Variants in TEK observed in about 807,000 individuals in gnomAD.
TEK encodes TEK receptor tyrosine kinase.
In TEK, 43 loss-of-function variants were observed where a neutral mutation model predicts 131.8. That is an observed-to-expected ratio of 0.33 (90% CI 0.26 to 0.42). The LOEUF is 0.42. Ranked by LOEUF, TEK falls within the 10% of genes least tolerant of loss-of-function variation. TEK has a pLI of 1.00. For missense variants in TEK, 1,162 were observed against 1,384.4 expected (o/e 0.84, Z 2.55); for synonymous variants, 580 against 491.6 (o/e 1.18, Z -2.38).
At chr9:27,118,624 G>A (rs1821662548) in intron 1 of TEK, among the ~76,000 whole-genome samples, 1 of 152,112 alleles carries the variant, frequency 6.6e-6, no homozygotes, top group African/African-American at 2.4e-5. Flanking sequence ...GACATAGTGA[G>A]ACCTCATCTT....
chr9:27,209,709 T>G (rs1482964141), intron 16 of TEK, among the ~76,000 whole-genome samples: 1 of 152,248 alleles, frequency 6.6e-6, no homozygotes, highest in Admixed American at 6.5e-5. Context: ...GAAGCTTTCA[T>G]GCGATAGTGC....
At chr9:27,142,629 C>A (rs1822768207) in intron 1 of TEK, among the ~76,000 whole-genome samples, 1 of 152,204 alleles carries the variant, frequency 6.6e-6, no homozygotes, top group South Asian at 2.1e-4. Context: ...AGAGAGTACT[C>A]GTGTTTCTAC....
chr9:27,220,250 C>A, intron 21 of TEK, 105 bp downstream of exon 21: 1 of 962,710 alleles, frequency 1.0e-6, no homozygotes, highest in Non-Finnish European at 1.6e-6. Flanking sequence ...TATACACAAA[C>A]ACCTACACAC....
intron 9 of TEK, among the ~76,000 whole-genome samples, chr9:27,186,358 T>A (rs1824598901): frequency 1.3e-5 from 2 of 152,198 alleles, no homozygotes; most frequent in Non-Finnish European, 2.9e-5. Context: ...CAAGAATACC[T>A]AACAGCTCTC....
chr9:27,123,476 T>C (rs576832705), intron 1 of TEK, among the ~76,000 whole-genome samples: 2 of 152,132 alleles, frequency 1.3e-5, no homozygotes, highest in Admixed American at 6.5e-5. Context: ...TACACTGTAA[T>C]GAGGGTAGGT....
chr9:27,208,274 C>T (rs1392104296), intron 15 of TEK, among the ~76,000 whole-genome samples: 2 of 152,112 alleles, frequency 1.3e-5, no homozygotes, highest in Non-Finnish European at 2.9e-5. Context: ...AGATGATTGT[C>T]ACAGTTTCTA....
At chr9:27,148,353 A>T (rs186817254) in intron 1 of TEK, among the ~76,000 whole-genome samples, 1 of 152,376 alleles carries the variant, frequency 6.6e-6, no homozygotes, top group African/African-American at 2.4e-5. Context: ...TGTTGTGAGT[A>T]TATCAGCTTT....
intron 1 of TEK, among the ~76,000 whole-genome samples, chr9:27,145,358 G>T (rs1032668485): frequency 6.6e-6 from 1 of 152,208 alleles, no homozygotes; most frequent in African/African-American, 2.4e-5. Flanking sequence ...AAGTGTGAGG[G>T]AGGGTAAGCA....
intron 1 of TEK, among the ~76,000 whole-genome samples, chr9:27,119,128 G>T (rs1041349999): frequency 6.6e-6 from 1 of 152,116 alleles, no homozygotes; most frequent in Non-Finnish European, 1.5e-5. Flanking sequence ...GAATCATCCT[G>T]ACTGACCACA....
chr9:27,220,257 A>T, intron 21 of TEK, 112 bp downstream of exon 21: 7 of 908,886 alleles, frequency 7.7e-6, no homozygotes, highest in Non-Finnish European at 1.2e-5. Flanking sequence ...AAACACCTAC[A>T]CACAGAGATC....
intron 1 of TEK, among the ~76,000 whole-genome samples, chr9:27,112,383 G>A (rs748648270): frequency 7.9e-5 from 12 of 152,084 alleles, no homozygotes; most frequent in African/African-American, 1.7e-4. Context: ...AGCTGGGATC[G>A]GAGACACCCT....
rs550870214 is a variant in TEK at position 27,115,755 on chromosome 9, A to AATG, written c.52+6113_52+6114insATG. Among the ~76,000 whole-genome samples, 8 of 152,320 alleles carry AATG rather than the reference A, an allele frequency of 5.3e-5. No individual in the cohort carries two copies. In the South Asian group the frequency reaches 1.7e-3, roughly 32 times the overall value. ...AAGGAAAAGGGAAGAAAGGACATAG[A>AATG]GGGAGCAACCTATACAAAGGGGGTG... On this transcript the variant is annotated intron_variant, in intron 1 of 22. Coordinates refer to ENST00000380036, the MANE Select transcript of TEK (RefSeq NM_000459.5).
At position 27,132,106 on chromosome 9, in the gene TEK, G is replaced by A. The variant is rs1319168735; in HGVS notation, c.52+22464G>A. Among the ~76,000 whole-genome samples, 6 of 106,824 alleles carry A rather than the reference G, an allele frequency of 5.6e-5. No homozygotes were observed. In the East Asian group the frequency reaches 1.8e-3, roughly 32 times the overall value. The allele number at this position is 106,824 out of a possible 152,430, so 70.1% of individuals were successfully genotyped here. Reference sequence around the variant, plus strand: ...TATTCTTTTTTTTTTTTTTTTTCTTGAGACGGAGTCTTGCTCTGTCGCCCA... The same window carrying A: ...TATTCTTTTTTTTTTTTTTTTTCTTAAGACGGAGTCTTGCTCTGTCGCCCA... On this transcript the variant is annotated intron_variant, in intron 1 of 22. Coordinates refer to ENST00000380036, the MANE Select transcript of TEK (RefSeq NM_000459.5).
At chr9:27,171,152 A>C in intron 4 of TEK, among the ~76,000 whole-genome samples, 1 of 152,210 alleles carries the variant, frequency 6.6e-6, no homozygotes, top group East Asian at 1.9e-4. Context: ...AAGTGGGGGC[A>C]TAAATATCAC....
chr9:27,140,766 T>A (rs1250678062), intron 1 of TEK, among the ~76,000 whole-genome samples: 5 of 152,178 alleles, frequency 3.3e-5, no homozygotes, highest in African/African-American at 1.2e-4. Flanking sequence ...ATTTTTTTGC[T>A]TTTAACAGTT....
At chr9:27,191,846 T>C (rs1244116513) in intron 10 of TEK, 2 of 439,072 alleles carry the variant, frequency 4.6e-6, no homozygotes, top group Non-Finnish European at 9.1e-6. Context: ...AGTGGTCTTC[T>C]AAGAACTGTT....
intron 1 of TEK, among the ~76,000 whole-genome samples, chr9:27,138,204 C>T (rs1035268934): frequency 6.6e-6 from 1 of 152,182 alleles, no homozygotes; most frequent in African/African-American, 2.4e-5. Context: ...AGCAAAAGAA[C>T]AAAGATTCCA....
intron 18 of TEK, among the ~76,000 whole-genome samples, chr9:27,214,971 A>G (rs1825764882): frequency 6.6e-6 from 1 of 152,140 alleles, no homozygotes. Flanking sequence ...TACCTACTCC[A>G]GCTTTCCCAA....
chr9:27,203,237 G>A, intron 13 of TEK, 118 bp downstream of exon 13: 1 of 1,114,180 alleles, frequency 9.0e-7, no homozygotes, highest in Non-Finnish European at 1.3e-6. Flanking sequence ...GAATGGACAG[G>A]CATTTACAGA....
Sources: gnomAD v4.1 joint callset for allele counts (sites outside exome capture counted in the v4.1 genomes callset) on GRCh38, gnomAD v4.1.1 for gene constraint, MANE v1.5 for transcripts, NCBI Gene and HGNC (gene_info 2026-07-23, HGNC 2026-07-21) for gene names.